Variants in UBR4 observed in about 807,000 individuals in gnomAD.
The protein encoded by UBR4 is ubiquitin protein ligase E3 component n-recognin 4.
In UBR4, 124 loss-of-function variants were observed where a neutral mutation model predicts 575.6. That is an observed-to-expected ratio of 0.22 (90% CI 0.19 to 0.25). The LOEUF (loss-of-function observed/expected upper bound fraction) is 0.25, where lower values mean the gene tolerates loss of function less well. Among genes scored for constraint, UBR4 ranks in the 10% least tolerant of loss-of-function variants. The pLI is 1.00. For missense variants in UBR4, 4,818 were observed against 6,478.8 expected, an observed-to-expected ratio of 0.74 and a Z score of 8.80; for synonymous variants, 2,455 against 2,473.7, an observed-to-expected ratio of 0.99 and a Z score of 0.22.
intron 2 of UBR4, among the ~76,000 whole-genome samples, chr1:19,200,917 G>T (rs2092713190): frequency 6.6e-6 from 1 of 152,238 alleles, no homozygotes; most frequent in Non-Finnish European, 1.5e-5. Flanking sequence ...GCTAAGCTGG[G>T]AGGACTGCTT....
chr1:19,092,499 T>C (rs1397399262), intron 97 of UBR4, among the ~76,000 whole-genome samples: 1 of 151,818 alleles, frequency 6.6e-6, no homozygotes, highest in Non-Finnish European at 1.5e-5. Flanking sequence ...GCAGAGAAGA[T>C]AGAGGTGATG....
chr1:19,151,922 C>T (rs2085774854), intron 47 of UBR4, 63 bp from the exon 48 acceptor site: 11 of 1,391,236 alleles, frequency 7.9e-6, no homozygotes, highest in Non-Finnish European at 8.7e-6. Flanking sequence ...ACTAGGACTC[C>T]TTCTTCTCTG....
chr1:19,170,639 C>T, intron 26 of UBR4, 123 bp downstream of exon 26: 5 of 1,335,620 alleles, frequency 3.7e-6, no homozygotes, highest in Non-Finnish European at 5.1e-6. Flanking sequence ...TACCTAAATG[C>T]TTGATACACA....
chr1:19,166,938 T>C, intron 29 of UBR4, 84 bp downstream of exon 29: 1 of 1,428,008 alleles, frequency 7.0e-7, no homozygotes, highest in Admixed American at 1.8e-5. Flanking sequence ...AAGCTATTAA[T>C]GACCTAAAGG....
At chr1:19,166,686 T>G (rs1171327867) in intron 29 of UBR4, among the ~76,000 whole-genome samples, 2 of 119,780 alleles carry the variant, frequency 1.7e-5, no homozygotes, top group African/African-American at 6.7e-5. Flanking sequence ...AAGACCAGCC[T>G]ACACAACATG....
chr1:19,123,383 G>A (rs558857988), intron 65 of UBR4, among the ~76,000 whole-genome samples: 6 of 151,530 alleles, frequency 4.0e-5, no homozygotes, highest in East Asian at 3.9e-4. Context: ...CCCAGAGGGC[G>A]GAGGTTGCAG....
At chr1:19,103,407 A>T (rs567087108) in intron 87 of UBR4, among the ~76,000 whole-genome samples, 7 of 152,170 alleles carry the variant, frequency 4.6e-5, no homozygotes, top group Non-Finnish European at 1.0e-4. Flanking sequence ...TCTACTAAAA[A>T]TACAAAATTA....
rs1262341889 is a variant in UBR4 at position 19,088,977 on chromosome 1, C to T, written c.14212G>A (p.Val4738Ile). Residue 4738 changes from valine to isoleucine, a missense_variant and splice_region_variant, in exon 98 of 106, where the codon GTT (valine) becomes ATT (isoleucine). Coordinates refer to ENST00000375254, the MANE Select transcript of UBR4 (RefSeq NM_020765.3). This position sits in a 1 kb window ranked among gnomAD's most constrained non-coding sequence, Gnocchi z 4.0. ...GLAIQHPGTQ[V>I]LIGTDSIPNL... ...GGGATGGAATCAGTTCCAATCAGAA[C>T]CTGCCAGTAAGAGACCAGAGAGACA... is the stretch of plus-strand genomic sequence containing the variant. 10 of 1,613,856 alleles carry T rather than the reference C, an allele frequency of 6.2e-6. No individual in the cohort carries two copies. The highest frequency in any genetic ancestry group is 8.5e-6 in the Non-Finnish European group (10 of 1,179,920).
chr1:19,186,685 A>G, intron 13 of UBR4, 28 bp from the exon 14 acceptor site: 5 of 1,606,924 alleles, frequency 3.1e-6, no homozygotes, highest in Non-Finnish European at 4.3e-6. Context: ...ACAAAACCGG[A>G]GCCATCCTAT....
In UBR4 at chr1:19,110,678, T is replaced by C; in HGVS notation, c.11892+64A>G. On this transcript the variant is annotated intron_variant, in intron 79 of 105. Coordinates refer to ENST00000375254, the MANE Select transcript of UBR4 (RefSeq NM_020765.3). The surrounding 1 kb of genome is among the most constrained non-coding windows in gnomAD (Gnocchi z 4.5). ...CACCGCAGGACCTGGGAGGGGAAGC[T>C]GAGAAACACAAGGCATGTGAGGGGA... 1 of 1,556,412 alleles carries C rather than the reference T, an allele frequency of 6.4e-7. No individual in the cohort carries two copies. The highest frequency in any genetic ancestry group is 8.9e-7 in the Non-Finnish European group (1 of 1,128,638).
intron 78 of UBR4, among the ~76,000 whole-genome samples, chr1:19,111,169 A>G (rs2079829279): frequency 6.6e-6 from 1 of 151,748 alleles, no homozygotes; most frequent in African/African-American, 2.4e-5. Flanking sequence ...CTTGGTCACA[A>G]CTCTTTCCCT....
At chr1:19,209,352 T>C (rs1013316011) in intron 1 of UBR4, among the ~76,000 whole-genome samples, 1 of 152,208 alleles carries the variant, frequency 6.6e-6, no homozygotes, top group Non-Finnish European at 1.5e-5. Flanking sequence ...TCTTTGTACC[T>C]ACATAACTGT....
At chr1:19,131,254 A>T (rs552631011) in intron 60 of UBR4, among the ~76,000 whole-genome samples, 2 of 137,628 alleles carry the variant, frequency 1.5e-5, no homozygotes, top group South Asian at 2.4e-4. Context: ...AAAAAAAAAA[A>T]AAAAAAAAAA....
At chr1:19,081,656 G>T in intron 102 of UBR4, 83 bp from the exon 103 acceptor site, 1 of 1,481,826 alleles carries the variant, frequency 6.7e-7, no homozygotes. Flanking sequence ...TGCTCAATTT[G>T]TCGTTGTCTT....
intron 105 of UBR4, chr1:19,075,474 G>A (rs1886024): frequency 0.046 from 7,554 of 164,560 alleles, 219 homozygotes; most frequent in Non-Finnish European, 0.057. Flanking sequence ...GGAAGAACGC[G>A]AGGCATGTGC....
At chr1:19,190,312 A>AAAAAAAAAATATATATATATAT in intron 11 of UBR4, among the ~76,000 whole-genome samples, 48 of 79,860 alleles carry the variant, frequency 6.0e-4, no homozygotes, top group South Asian at 8.3e-4. Context: ...AAAAAAAAAA[A>AAAAAAAAAATATATATATATAT]ATATATATAT....
At chr1:19,098,645 C>A (rs573749529) in intron 90 of UBR4, among the ~76,000 whole-genome samples, 9 of 152,278 alleles carry the variant, frequency 5.9e-5, no homozygotes, top group African/African-American at 1.9e-4. Flanking sequence ...AGTGCAACAA[C>A]GACCCCACTG....
chr1:19,164,709 TAA>T, intron 32 of UBR4, 88 bp downstream of exon 32: 1 of 1,495,188 alleles, frequency 6.7e-7, no homozygotes. Context: ...CTGAGAATGC[TAA>T]GACTGGTGCC....
Position 19,197,756 on chromosome 1 carries a change from A to G in UBR4, c.807T>C (p.Tyr269=), listed in dbSNP as rs1206659064. 2 of 1,614,242 alleles carry G rather than the reference A, an allele frequency of 1.2e-6. No homozygotes were observed. The highest frequency in any genetic ancestry group is 1.7e-5 in the Admixed American group (1 of 60,022). ...VCLNLPYFLR[Y]INRFQDAVLA... ...AAACTGCATCTTGGAACCGATTGATATAGCGTAGGAAATATGGCAGGTTCA... is the reference window on the plus strand; with the variant it reads ...AAACTGCATCTTGGAACCGATTGATGTAGCGTAGGAAATATGGCAGGTTCA... Residue 269 remains tyrosine, a synonymous_variant, in exon 7 of 106, where the codon TAT becomes TAC. Coordinates refer to ENST00000375254, the MANE Select transcript of UBR4 (RefSeq NM_020765.3).
Sources: allele counts gnomAD v4.1 joint callset (sites outside exome capture counted in the v4.1 genomes callset), GRCh38; gene constraint gnomAD v4.1.1; non-coding constraint Gnocchi (gnomAD v3.1); transcripts MANE v1.5; gene names NCBI Gene and HGNC (gene_info 2026-07-23, HGNC 2026-07-21).